The following CWC27 variants were observed in gnomAD, a reference collection of about 807,000 sequenced individuals.
CWC27 encodes the protein spliceosome-associated protein CWC27 homolog.
In CWC27, 47 loss-of-function variants were observed where a neutral mutation model predicts 63.6. That is an observed-to-expected ratio of 0.74 (90% CI 0.58 to 0.94). CWC27 has a LOEUF of 0.94. Ranked by LOEUF, CWC27 falls within the 40% of genes least tolerant of loss-of-function variation. The pLI is 0.00. For synonymous variants in CWC27, 175 were observed against 179.8 expected (o/e 0.97, Z 0.22); for missense variants, 495 against 554.3 (o/e 0.89, Z 1.07).
chr5:64,838,500 A>G (rs1011158316), intron 10 of CWC27, among the ~76,000 whole-genome samples: 1 of 152,176 alleles, frequency 6.6e-6, no homozygotes, highest in Admixed American at 6.6e-5. Context: ...TCTGTGGGCT[A>G]TTGCATTTTC....
chr5:64,794,816 A>C (rs1451364327), intron 7 of CWC27, among the ~76,000 whole-genome samples: 1 of 152,168 alleles, frequency 6.6e-6, no homozygotes, highest in East Asian at 1.9e-4. Flanking sequence ...AGGAATCTTT[A>C]CATGTAACTG....
chr5:64,975,292 T>C lies in CWC27; in HGVS notation c.1153-1843T>C, dbSNP rs185476533. Among the ~76,000 whole-genome samples the C allele has an allele frequency of 2.8e-3, 428 of 152,340 alleles. 2 individuals carry two copies. The highest frequency in any genetic ancestry group is 4.2e-3 in the Non-Finnish European group (285 of 68,026). On this transcript the variant is annotated intron_variant, in intron 12 of 13. Transcript: ENST00000381070. ...AACTTTTTCATGAACTGTGATCTTA[T>C]TGATACTCTCTAGATAAATTCTGGA...
intron 10 of CWC27, among the ~76,000 whole-genome samples, chr5:64,843,366 GGAAA>G (rs1745895182): frequency 6.6e-6 from 1 of 152,162 alleles, no homozygotes; most frequent in Non-Finnish European, 1.5e-5. Flanking sequence ...CCACTTTCTC[GGAAA>G]GAGAGAATAG....
At chr5:64,839,152 A>C (rs1468048535) in intron 10 of CWC27, among the ~76,000 whole-genome samples, 1 of 152,212 alleles carries the variant, frequency 6.6e-6, no homozygotes, top group African/African-American at 2.4e-5. Context: ...AAATAAGTGA[A>C]GTACTTGTAT....
At chr5:64,865,086 A>T (rs1345026815) in intron 10 of CWC27, among the ~76,000 whole-genome samples, 3 of 151,754 alleles carry the variant, frequency 2.0e-5, no homozygotes, top group Non-Finnish European at 4.4e-5. Context: ...TCAACTGTGT[A>T]TCTGGTACAA....
At chr5:64,867,352 T>A (rs1746553531) in intron 10 of CWC27, among the ~76,000 whole-genome samples, 1 of 152,138 alleles carries the variant, frequency 6.6e-6, no homozygotes, top group Non-Finnish European at 1.5e-5. Flanking sequence ...TATATTGATA[T>A]ATTGTAAAGT....
At chr5:64,934,483 T>G (rs1748304702) in intron 11 of CWC27, among the ~76,000 whole-genome samples, 1 of 152,254 alleles carries the variant, frequency 6.6e-6, no homozygotes, top group Non-Finnish European at 1.5e-5. Context: ...GTGCCACATT[T>G]TCTTTATCCA....
chr5:64,985,972 A>G (rs1749417179), intron 13 of CWC27, among the ~76,000 whole-genome samples: 1 of 152,076 alleles, frequency 6.6e-6, no homozygotes. Flanking sequence ...GACCAGGTGG[A>G]GGTGATTGGA....
chr5:64,923,455 C>T (rs1748038916), intron 11 of CWC27, among the ~76,000 whole-genome samples: 1 of 150,638 alleles, frequency 6.6e-6, no homozygotes, highest in South Asian at 2.1e-4. Flanking sequence ...ACTCAGCAAC[C>T]TCATGTGGGG....
At chr5:64,926,735 GA>G (rs969509183) in intron 11 of CWC27, among the ~76,000 whole-genome samples, 5 of 150,518 alleles carry the variant, frequency 3.3e-5, no homozygotes, top group Admixed American at 6.6e-5. Context: ...CAAATAAAGA[GA>G]AAAAAAAATA....
Position 65,018,389 on chromosome 5 carries a change from C to A in CWC27, c.*68C>A. ...CAATGGCCTTGTAACAGCCATTGTT[C>A]CCAACAGCATCACTTAGGGGTGTGA... On this transcript the variant is annotated 3_prime_UTR_variant, in exon 14 of 14. Transcript: ENST00000381070. 7.5e-7 allele frequency: 1 copy of A among 1,337,496 alleles called. No individual in the cohort carries two copies. Among genetic ancestry groups the A allele is most frequent in the Non-Finnish European group, 1.0e-6 (1 of 973,854 alleles). The allele number at this position is 1,337,496 out of a possible 1,614,324, so 82.9% of individuals were successfully genotyped here.
chr5:64,787,310 A>G (rs751012472), intron 6 of CWC27, among the ~76,000 whole-genome samples: 15 of 152,174 alleles, frequency 9.9e-5, no homozygotes, highest in Non-Finnish European at 2.1e-4. Context: ...AGCTACAAAC[A>G]TGTCATCTCA....
rs575463926 is a variant in CWC27 at position 64,915,039 on chromosome 5, AAAAC to A, written c.1042+29501_1042+29504del. Among the ~76,000 whole-genome samples, 231 of 152,330 alleles carry A rather than the reference AAAAC, an allele frequency of 1.5e-3. 1 individual carries two copies. Among genetic ancestry groups the A allele is most frequent in the African/African-American group, 4.9e-3 (203 of 41,588 alleles). The stretch of plus-strand genomic sequence containing the variant: ...TTTCATTTTATATAATATGCACAAG[AAAAC>A]AAACAAAATTAAGTAGTAGTGTGTT... On this transcript the variant is annotated intron_variant, in intron 11 of 13. Transcript: ENST00000381070.
chr5:64,994,877 CTATT>C (rs1371014459), intron 13 of CWC27, among the ~76,000 whole-genome samples: 1 of 152,030 alleles, frequency 6.6e-6, no homozygotes, highest in Non-Finnish European at 1.5e-5. Context: ...GTATTAATTT[CTATT>C]TATTTGTTTG....
At position 65,004,915 on chromosome 5, in the gene CWC27, C is replaced by T. The variant is rs181827015; in HGVS notation, c.1257-13244C>T. On this transcript the variant is annotated intron_variant, in intron 13 of 13. Coordinates refer to ENST00000381070, the MANE Select transcript of CWC27 (RefSeq NM_005869.4). Reference sequence around the variant, plus strand: ...ATATATATATATATATACATACACACACACACACACACACACACACTGTTG... The same window carrying T: ...ATATATATATATATATACATACACATACACACACACACACACACACTGTTG... Among the ~76,000 whole-genome samples the T allele has an allele frequency of 6.0e-3, 650 of 108,354 alleles. 2 individuals carry two copies. The highest frequency in any genetic ancestry group is 9.0e-3 in the Non-Finnish European group (431 of 47,766). 71.1% of individuals were successfully genotyped at this position (108,354 alleles called of 152,430 possible). A position where few individuals can be genotyped will look rare whatever the true frequency, so the allele number is the denominator to read the frequency against.
In CWC27 at chr5:64,797,460, A is replaced by G. The variant is rs118064895; in HGVS notation, c.670-2788A>G. ...GAGAGGCCTAACAATTTGGCTTTTC[A>G]TATATTTCTATACTAATTTAATTTT... On this transcript the variant is annotated intron_variant, in intron 7 of 13. Coordinates refer to ENST00000381070, the MANE Select transcript of CWC27 (RefSeq NM_005869.4). Among the ~76,000 whole-genome samples the G allele has an allele frequency of 2.9e-3, 439 of 152,238 alleles. 18 individuals are homozygous for G. In the East Asian group the frequency reaches 0.079, roughly 27 times the overall value.
At position 64,987,478 on chromosome 5, in the gene CWC27, C is replaced by T. The variant is rs556322842; in HGVS notation, c.1256+10240C>T. 5.9e-5 allele frequency among the ~76,000 whole-genome samples: 9 copies of T among 152,274 alleles called. No individual in the cohort carries two copies. In the East Asian group the frequency reaches 1.5e-3, roughly 26 times the overall value. On this transcript the variant is annotated intron_variant, in intron 13 of 13. Transcript: ENST00000381070. ...CAGCTGTCAAACACATTTTAAGGAA[C>T]TCAACAGGAGAAGACTCTGTTATAT...
intron 2 of CWC27, among the ~76,000 whole-genome samples, chr5:64,776,083 GAGAGAGAGAGAGAGA>G (rs1743435930): frequency 2.9e-5 from 1 of 34,988 alleles, no homozygotes; most frequent in South Asian, 2.1e-3. Flanking sequence ...GAGAGAGAGA[GAGAGAGAGAGAGAGA>G]GAGAGAGAGA....
At chr5:64,792,580 A>G (rs1467187765) in intron 7 of CWC27, among the ~76,000 whole-genome samples, 1 of 152,038 alleles carries the variant, frequency 6.6e-6, no homozygotes, top group African/African-American at 2.4e-5. Flanking sequence ...AATACTGTAC[A>G]TTTGCCTTTT....
Sources: allele counts gnomAD v4.1 joint callset (sites outside exome capture counted in the v4.1 genomes callset), GRCh38; gene constraint gnomAD v4.1.1; transcripts MANE v1.5; gene names NCBI Gene and HGNC (gene_info 2026-07-23, HGNC 2026-07-21).